Variants in APBA2 observed in about 807,000 individuals in gnomAD.
The protein encoded by APBA2 is amyloid-beta A4 precursor protein-binding family A member 2.
A neutral mutation model predicts 75.0 loss-of-function variants in APBA2; 30 were observed. The observed-to-expected ratio is 0.40, with a 90% CI of 0.30 to 0.54. The LOEUF is 0.54. Among genes scored for constraint, APBA2 ranks in the 20% least tolerant of loss-of-function variants. APBA2 has a pLI of 0.49. For synonymous variants in APBA2, 444 were observed against 409.6 expected (o/e 1.08, Z -1.01); for missense variants, 801 against 1,016.1 (o/e 0.79, Z 2.88).
At chr15:29,057,926 G>A (rs1251582793) in intron 4 of APBA2, among the ~76,000 whole-genome samples, 2 of 152,098 alleles carry the variant, frequency 1.3e-5, no homozygotes, top group African/African-American at 2.4e-5. Context: ...TGTGGATGTT[G>A]GATGCATGCC....
At chr15:29,030,158 T>G (rs1282562168) in intron 3 of APBA2, among the ~76,000 whole-genome samples, 1 of 152,126 alleles carries the variant, frequency 6.6e-6, no homozygotes, top group Admixed American at 6.6e-5. Context: ...CTTAATGTGC[T>G]CACTCTAAAG....
intron 2 of APBA2, among the ~76,000 whole-genome samples, chr15:28,927,339 G>GT (rs146258912): frequency 3.0e-4 from 42 of 140,782 alleles, no homozygotes; most frequent in South Asian, 2.1e-3. Context: ...TTTGCTTTTT[G>GT]TTTTTTTTTT....
At chr15:29,011,192 A>C (rs2039386340) in intron 3 of APBA2, among the ~76,000 whole-genome samples, 1 of 152,160 alleles carries the variant, frequency 6.6e-6, no homozygotes, top group Non-Finnish European at 1.5e-5. Context: ...AGGCTGAATA[A>C]TATTATGTGG....
At chr15:28,968,580 T>C (rs1466272173) in intron 2 of APBA2, among the ~76,000 whole-genome samples, 1 of 152,208 alleles carries the variant, frequency 6.6e-6, no homozygotes, top group Non-Finnish European at 1.5e-5. Context: ...AAGTGCTCTA[T>C]GTCTGTTCAC....
chr15:29,004,467 G>A (rs182057677), intron 3 of APBA2, among the ~76,000 whole-genome samples: 27 of 152,284 alleles, frequency 1.8e-4, no homozygotes, highest in African/African-American at 6.0e-4. Flanking sequence ...GTGTAGCACC[G>A]TGGTTCTCAG....
At chr15:29,037,537 T>C (rs2040811423) in intron 3 of APBA2, among the ~76,000 whole-genome samples, 1 of 151,948 alleles carries the variant, frequency 6.6e-6, no homozygotes, top group African/African-American at 2.4e-5. Flanking sequence ...GGTCTTTACA[T>C]GTCTTTTGTG....
chr15:29,073,710 G>T (rs975831598), intron 4 of APBA2, among the ~76,000 whole-genome samples: 2 of 152,136 alleles, frequency 1.3e-5, no homozygotes, highest in Non-Finnish European at 2.9e-5. Context: ...GTTATTTCTC[G>T]ATAATTTATT....
At chr15:29,106,408 G>A (rs886335489) in intron 11 of APBA2, among the ~76,000 whole-genome samples, 199 bp from the exon 12 acceptor site, 18 of 137,818 alleles carry the variant, frequency 1.3e-4, no homozygotes, top group Non-Finnish European at 2.5e-4. Context: ...GAAGGTGTGG[G>A]AGCCAGACTG....
chr15:29,047,088 A>G (rs962797002), intron 3 of APBA2, among the ~76,000 whole-genome samples: 2 of 152,220 alleles, frequency 1.3e-5, no homozygotes, highest in African/African-American at 4.8e-5. Context: ...CCATCTCTCC[A>G]TTAAATATCT....
At chr15:29,065,641 A>G (rs2042348531) in intron 4 of APBA2, among the ~76,000 whole-genome samples, 1 of 152,178 alleles carries the variant, frequency 6.6e-6, no homozygotes, top group Non-Finnish European at 1.5e-5. Flanking sequence ...TGCCACACCC[A>G]CGTCTGCCCC....
At chr15:28,928,828 G>C (rs939735566) in intron 2 of APBA2, among the ~76,000 whole-genome samples, 2 of 152,074 alleles carry the variant, frequency 1.3e-5, no homozygotes, top group Non-Finnish European at 1.5e-5. Context: ...AAAGTTTTGG[G>C]CCCCCCTAAG....
intron 2 of APBA2, among the ~76,000 whole-genome samples, chr15:28,995,367 G>A (rs1408172327): frequency 1.3e-5 from 2 of 151,992 alleles, no homozygotes; most frequent in African/African-American, 4.8e-5. Flanking sequence ...CACACCCTCC[G>A]CAGTCTGAAA....
chr15:29,042,558 G>A (rs945697482), intron 3 of APBA2, among the ~76,000 whole-genome samples: 2 of 152,088 alleles, frequency 1.3e-5, no homozygotes, highest in African/African-American at 4.8e-5. Context: ...ACACCCAGCT[G>A]CAGTGATCCT....
chr15:28,998,167 A>G (rs1458527205), intron 3 of APBA2, among the ~76,000 whole-genome samples: 1 of 151,900 alleles, frequency 6.6e-6, no homozygotes, highest in Non-Finnish European at 1.5e-5. Context: ...ACTTACAGGA[A>G]AAGTTTGAGG....
intron 3 of APBA2, among the ~76,000 whole-genome samples, chr15:28,998,613 G>A (rs750392): frequency 0.034 from 5,231 of 152,164 alleles, 303 homozygotes; most frequent in African/African-American, 0.12. Flanking sequence ...GGTTCCTGAT[G>A]GAGAGCCAGG....
intron 2 of APBA2, among the ~76,000 whole-genome samples, chr15:28,929,300 C>T (rs1003428341): frequency 1.3e-5 from 2 of 152,170 alleles, no homozygotes; most frequent in African/African-American, 4.8e-5. Flanking sequence ...TGAATGAATA[C>T]ACCGAAAGGG....
chr15:28,890,017 C>T (rs1429648979), intron 1 of APBA2, among the ~76,000 whole-genome samples: 2 of 152,200 alleles, frequency 1.3e-5, no homozygotes, highest in East Asian at 3.9e-4. Flanking sequence ...AGAGCCTTAG[C>T]GCTGTTGTTG....
intron 1 of APBA2, among the ~76,000 whole-genome samples, chr15:28,887,572 G>A (rs2031831461): frequency 6.6e-6 from 1 of 152,152 alleles, no homozygotes; most frequent in African/African-American, 2.4e-5. Flanking sequence ...GGGCGTCCAG[G>A]ATGCCCTGCC....
chr15:28,895,341 T>C lies in APBA2; in HGVS notation c.-205+9063T>C, dbSNP rs555169560. ...GGGGCTCCCAGTAGCTTTCTGGTCC[T>C]GCGTCAGGAGAGGGGACTGCACAGG... is the stretch of plus-strand genomic sequence containing the variant. On this transcript the variant is annotated intron_variant, in intron 1 of 14. Transcript: ENST00000683413. Among the ~76,000 whole-genome samples, 472 of 152,180 alleles carry C rather than the reference T, an allele frequency of 3.1e-3. 3 individuals are homozygous for C. The highest frequency in any genetic ancestry group is 4.1e-3 in the Non-Finnish European group (281 of 67,984).
Sources: gnomAD v4.1 joint callset for allele counts (sites outside exome capture counted in the v4.1 genomes callset) on GRCh38, gnomAD v4.1.1 for gene constraint, MANE v1.5 for transcripts, NCBI Gene and HGNC (gene_info 2026-07-23, HGNC 2026-07-21) for gene names.